Variants in TLR6 observed in about 807,000 individuals in gnomAD.
TLR6 encodes toll like receptor 6, also known as toll-like receptor 6.
A neutral mutation model predicts 16.1 loss-of-function variants in TLR6; 9 were observed. The ratio of observed to expected loss-of-function variants is 0.56; its 90% CI spans 0.34 to 0.98. The LOEUF is 0.98. Among genes scored for constraint, TLR6 ranks in the 50% least tolerant of loss-of-function variants. The probability of loss-of-function intolerance (pLI) is 0.02; values close to 1 mark genes in which losing one functional copy is unlikely to be tolerated. For synonymous variants in TLR6, 340 were observed against 338.6 expected, an observed-to-expected ratio of 1.00 and a Z score of -0.04; for missense variants, 786 against 921.0, an observed-to-expected ratio of 0.85 and a Z score of 1.90.
intron 1 of TLR6, among the ~76,000 whole-genome samples, chr4:38,851,430 A>C (rs2109470194): frequency 6.6e-6 from 1 of 152,334 alleles, no homozygotes; most frequent in African/African-American, 2.4e-5. Context: ...TCAATTAGGA[A>C]AAGAGGAAGT....
At chr4:38,828,291 C>T (rs1271384248) in exon 2 of TLR6, 1 of 1,613,558 alleles carries the variant, frequency 6.2e-7, no homozygotes, top group Non-Finnish European at 8.5e-7. Flanking sequence ...ATGAGACCTA[C>T]TTTGAAAAGG....
chr4:38,829,502 GTTC>G, exon 2 of TLR6: 1 of 1,429,520 alleles, frequency 7.0e-7, no homozygotes, highest in Non-Finnish European at 9.7e-7. Flanking sequence ...CTAAAGGGTT[GTTC>G]TTCTTCAGAG....
chr4:38,859,015 C>T (rs937988563), upstream of TLR6, among the ~76,000 whole-genome samples: 2 of 152,192 alleles, frequency 1.3e-5, no homozygotes, highest in African/African-American at 2.4e-5. Context: ...GCTGTGACTA[C>T]TTTCCAAGTA....
Position 38,828,878 on chromosome 4 carries a change from A to AG in TLR6, c.595dup (p.Leu199ProfsTer9). The AG allele has an allele frequency of 6.2e-7, 1 of 1,613,320 alleles. No homozygotes were observed. Among genetic ancestry groups the AG allele is most frequent in the Non-Finnish European group, 8.5e-7 (1 of 1,179,550 alleles). ...ACTAGTTGGGTGAAAAACAAGGTGA[A>AG]GGGTTTTTGCATTCAGAATTTGTAG... On this transcript the variant is annotated frameshift_variant, in exon 2 of 2. Coordinates refer to ENST00000436693, the Ensembl canonical transcript of TLR6. LOFTEE classifies it low-confidence loss of function (END_TRUNC).
At chr4:38,830,993 C>T (rs1711545199) in intron 1 of TLR6, among the ~76,000 whole-genome samples, 1 of 148,772 alleles carries the variant, frequency 6.7e-6, no homozygotes, top group Non-Finnish European at 1.5e-5. Context: ...AAAAATTAGC[C>T]ATGCAAAGAA....
At chr4:38,834,859 C>T (rs752097348) in intron 1 of TLR6, among the ~76,000 whole-genome samples, 7 of 152,120 alleles carry the variant, frequency 4.6e-5, no homozygotes, top group Non-Finnish European at 8.8e-5. Context: ...AATTCATCAC[C>T]ACTAGACGAG....
the TLR6 span, among the ~76,000 whole-genome samples, chr4:38,866,855 T>A: frequency 6.6e-6 from 1 of 152,202 alleles, no homozygotes; most frequent in Non-Finnish European, 1.5e-5. Context: ...GGGCTATTTT[T>A]TCTTTAACTT....
chr4:38,845,161 T>G (rs1050441331), intron 1 of TLR6, among the ~76,000 whole-genome samples: 6 of 152,222 alleles, frequency 3.9e-5, no homozygotes, highest in African/African-American at 1.4e-4. Flanking sequence ...TTGAAAAATA[T>G]TAAGTTATAT....
At chr4:38,837,630 G>A (rs1262715502) in intron 1 of TLR6, among the ~76,000 whole-genome samples, 3 of 152,156 alleles carry the variant, frequency 2.0e-5, no homozygotes, top group African/African-American at 4.8e-5. Flanking sequence ...TGTAAGACTT[G>A]AAAGTATAAA....
chr4:38,825,851 T>C (rs1727519321), exon 2 of TLR6: 1 of 152,502 alleles, frequency 6.6e-6, no homozygotes, highest in Non-Finnish European at 1.5e-5. Flanking sequence ...TTGCTATCAG[T>C]GCTTCTCTTC....
At position 38,824,591 on chromosome 4, in the gene TLR6, G is replaced by A. The variant is rs376254476; in HGVS notation, c.*2492C>T. The A allele has an allele frequency of 3.3e-5, 5 of 152,060 alleles. No individual in the cohort carries two copies. In the East Asian group the frequency reaches 7.7e-4, roughly 23 times the overall value. The allele number at this position is 152,060 out of a possible 1,614,324, so 9.4% of individuals were successfully genotyped here. On this transcript the variant is annotated 3_prime_UTR_variant, in exon 2 of 2. Transcript: ENST00000436693. The stretch of plus-strand genomic sequence containing the variant: ...GTTGTTGTTACTGTGGTTGTTTGTT[G>A]TTTTTATTGTTTTTAGATTAGGCAA...
chr4:38,856,991 A>G (rs140298931), upstream of TLR6, among the ~76,000 whole-genome samples: 1,593 of 152,280 alleles, frequency 0.01, 28 homozygotes, highest in African/African-American at 0.036. Context: ...CAGTAATCCA[A>G]TTTTCTAATT....
upstream of TLR6, among the ~76,000 whole-genome samples, chr4:38,858,796 A>AGAGAGAGGGAGAGAGAGAGAGAGG (rs1560274569): frequency 7.1e-5 from 5 of 70,110 alleles, no homozygotes; most frequent in East Asian, 9.8e-4. Context: ...AGAGAGGGAG[A>AGAGAGAGGGAGAGAGAGAGAGAGG]GAGAGAGAGA....
chr4:38,861,783 G>A (rs887643459), upstream of TLR6, among the ~76,000 whole-genome samples: 1 of 151,672 alleles, frequency 6.6e-6, no homozygotes, highest in Admixed American at 6.6e-5. Flanking sequence ...TCTCCTTCTC[G>A]TGTCTAGGTC....
rs990078005 is a variant in TLR6, at chr4:38,835,168, T to C, written c.-64-5631A>G. Among the ~76,000 whole-genome samples, 5 of 152,134 alleles carry C rather than the reference T, an allele frequency of 3.3e-5. No individual in the cohort carries two copies. In the East Asian group the frequency reaches 7.7e-4, roughly 23 times the overall value. ...AAGATTAACTTCCTCACTTAAAAGATACAAACTAGCTGAATAGATTTTTTT... is the reference window on the plus strand; with the variant it reads ...AAGATTAACTTCCTCACTTAAAAGACACAAACTAGCTGAATAGATTTTTTT... On this transcript the variant is annotated intron_variant, in intron 1 of 1. Coordinates refer to ENST00000436693, the Ensembl canonical transcript of TLR6.
intron 1 of TLR6, among the ~76,000 whole-genome samples, chr4:38,839,656 T>G (rs1479000222): frequency 1.3e-5 from 2 of 152,206 alleles, no homozygotes; most frequent in East Asian, 3.8e-4. Flanking sequence ...TGATCTGACC[T>G]CAAGTTAACT....
At chr4:38,827,528 C>T (rs1163304119) in exon 2 of TLR6, 2 of 1,614,208 alleles carry the variant, frequency 1.2e-6, no homozygotes, top group Non-Finnish European at 1.7e-6. Context: ...ATCATGTTCA[C>T]TATATGAAAT....
intron 1 of TLR6, among the ~76,000 whole-genome samples, chr4:38,838,527 T>C (rs1483681891): frequency 6.6e-6 from 1 of 152,142 alleles, no homozygotes; most frequent in Admixed American, 6.5e-5. Flanking sequence ...CACTCATCTG[T>C]GGGAGCTAAA....
chr4:38,832,057 T>C (rs568352454), intron 1 of TLR6, among the ~76,000 whole-genome samples: 16 of 152,350 alleles, frequency 1.1e-4, no homozygotes, highest in South Asian at 4.1e-4. Context: ...TGGATGTTTA[T>C]AGAAGCTTTA....
Sources: allele counts gnomAD v4.1 joint callset (sites outside exome capture counted in the v4.1 genomes callset), GRCh38; gene constraint gnomAD v4.1.1; transcripts MANE v1.5; gene names NCBI Gene and HGNC (gene_info 2026-07-23, HGNC 2026-07-21).